Variants in CATSPERT observed in about 807,000 individuals in gnomAD.
The protein encoded by CATSPERT is cation channel sperm-associated targeting subunit tau.
At chr2:201,590,443 C>T in the CATSPERT span, among the ~76,000 whole-genome samples, 3 of 152,062 alleles carry the variant, frequency 2.0e-5, no homozygotes, top group African/African-American at 4.8e-5. Flanking sequence ...CCGCAATAAA[C>T]ATATGTGTGC....
chr2:201,605,014 G>A, the CATSPERT span, among the ~76,000 whole-genome samples: 1 of 152,012 alleles, frequency 6.6e-6, no homozygotes, highest in South Asian at 2.1e-4. Context: ...TAGTATAGGA[G>A]ATACTTTGAG....
At chr2:201,543,676 A>C in the CATSPERT span, among the ~76,000 whole-genome samples, 63,884 of 151,774 alleles carry the variant, frequency 0.42, 14,056 homozygotes, top group East Asian at 0.75. Flanking sequence ...TATAGAAACA[A>C]AACTGATTTT....
At chr2:201,597,529 A>T in the CATSPERT span, among the ~76,000 whole-genome samples, 3 of 151,836 alleles carry the variant, frequency 2.0e-5, no homozygotes, top group African/African-American at 7.3e-5. Context: ...TCCTCCACGC[A>T]CCAAGACCGC....
the CATSPERT span, chr2:201,575,206 C>G: frequency 8.3e-7 from 1 of 1,211,656 alleles, no homozygotes; most frequent in Non-Finnish European, 1.1e-6. Context: ...CAAATAATAT[C>G]AGAGTAAAGT....
the CATSPERT span, among the ~76,000 whole-genome samples, chr2:201,607,202 G>C: frequency 6.6e-6 from 1 of 152,154 alleles, no homozygotes; most frequent in South Asian, 2.1e-4. Context: ...TTGGGTAAAA[G>C]AAGCCAGACC....
chr2:201,578,433 T>TA, the CATSPERT span, among the ~76,000 whole-genome samples: 1 of 152,154 alleles, frequency 6.6e-6, no homozygotes, highest in Non-Finnish European at 1.5e-5. Context: ...ATTTTTACTT[T>TA]AAATAGTCAC....
At chr2:201,508,879 TC>T in the CATSPERT span, among the ~76,000 whole-genome samples, 1 of 152,200 alleles carries the variant, frequency 6.6e-6, no homozygotes, top group East Asian at 1.9e-4. Context: ...CCTTATCTGT[TC>T]ATCTAAGGAT....
the CATSPERT span, among the ~76,000 whole-genome samples, chr2:201,507,107 T>G: frequency 6.6e-6 from 1 of 152,202 alleles, no homozygotes; most frequent in African/African-American, 2.4e-5. Context: ...ATGGATGACA[T>G]GATCACTTAT....
the CATSPERT span, chr2:201,575,211 T>C: frequency 7.9e-7 from 1 of 1,272,450 alleles, no homozygotes; most frequent in Non-Finnish European, 1.1e-6. Context: ...AATATCAGAG[T>C]AAAGTTACAT....
the CATSPERT span, chr2:201,492,568 A>G: frequency 6.5e-7 from 1 of 1,533,238 alleles, no homozygotes; most frequent in South Asian, 1.2e-5. Context: ...GTTTGGGTAT[A>G]TAGTCTCAGA....
chr2:201,603,095 A>G, the CATSPERT span: 1 of 722,026 alleles, frequency 1.4e-6, no homozygotes, highest in Non-Finnish European at 2.3e-6. Flanking sequence ...GTGAATGAAC[A>G]GTAGTGATTG....
At chr2:201,565,598 G>A in the CATSPERT span, 7 of 887,426 alleles carry the variant, frequency 7.9e-6, no homozygotes, top group South Asian at 6.7e-5. Flanking sequence ...ATGAAACAAC[G>A]GCACCATAAT....
chr2:201,611,995 G>A, the CATSPERT span, among the ~76,000 whole-genome samples: 10 of 152,136 alleles, frequency 6.6e-5, no homozygotes, highest in Non-Finnish European at 1.3e-4. Flanking sequence ...GAAAACAGGG[G>A]TAACTAAAGT....
At chr2:201,613,286 C>A in the CATSPERT span, among the ~76,000 whole-genome samples, 1 of 152,240 alleles carries the variant, frequency 6.6e-6, no homozygotes, top group African/African-American at 2.4e-5. Context: ...AGTAGCCTAA[C>A]TGGGAGACAC....
At chr2:201,497,443 T>C in the CATSPERT span, among the ~76,000 whole-genome samples, 1 of 152,166 alleles carries the variant, frequency 6.6e-6, no homozygotes, top group African/African-American at 2.4e-5. Context: ...TTGCTTTAAA[T>C]GAATAGAAAA....
At chr2:201,593,633 C>G in the CATSPERT span, among the ~76,000 whole-genome samples, 1 of 147,760 alleles carries the variant, frequency 6.8e-6, no homozygotes, top group Non-Finnish European at 1.5e-5. Context: ...GTAGGTCACT[C>G]AGGACTTGCT....
chr2:201,501,395 C>CAAAAAA, the CATSPERT span, among the ~76,000 whole-genome samples: 49 of 46,434 alleles, frequency 1.1e-3, no homozygotes, highest in East Asian at 1.6e-3. Flanking sequence ...AACTCCATCT[C>CAAAAAA]AAAAAAAAAA....
At chr2:201,525,481 T>C in the CATSPERT span, among the ~76,000 whole-genome samples, 6 of 152,136 alleles carry the variant, frequency 3.9e-5, no homozygotes, top group Non-Finnish European at 8.8e-5. Context: ...TCTATAGCAC[T>C]AAATGCCCAC....
chr2:201,515,202 G>GT, the CATSPERT span, among the ~76,000 whole-genome samples: 11 of 24,672 alleles, frequency 4.5e-4, 5 homozygotes, highest in African/African-American at 1.7e-3. Context: ...TCTGCCCATA[G>GT]TTTTTTTTTT....
Sources: gnomAD v4.1 joint callset for allele counts (sites outside exome capture counted in the v4.1 genomes callset) on GRCh38, gnomAD v4.1.1 for gene constraint, MANE v1.5 for transcripts, NCBI Gene and HGNC (gene_info 2026-07-23, HGNC 2026-07-21) for gene names.